MYO5A: variants seen among roughly 807,000 people sequenced by gnomAD.
The protein encoded by MYO5A is unconventional myosin-Va.
In MYO5A, 98 loss-of-function variants were observed where a neutral mutation model predicts 249.7. The observed-to-expected ratio is 0.39, with a 90% CI of 0.33 to 0.46. The LOEUF is 0.46. Among genes scored for constraint, MYO5A ranks in the 20% least tolerant of loss-of-function variants. The pLI is 0.98. For synonymous variants in MYO5A, 778 were observed against 810.6 expected, an observed-to-expected ratio of 0.96 and a Z score of 0.68; for missense variants, 1,696 against 2,308.8, an observed-to-expected ratio of 0.73 and a Z score of 5.44.
Position 52,308,871 on chromosome 15 carries a change from C to T in MYO5A, c.*4825G>A, listed in dbSNP as rs1222281660. The T allele has an allele frequency of 6.5e-6, 1 of 152,920 alleles. No individual in the cohort carries two copies. Among genetic ancestry groups the T allele is most frequent in the South Asian group, 2.1e-4 (1 of 4,842 alleles). 9.5% of individuals were successfully genotyped at this position (152,920 alleles called of 1,614,324 possible). ...GCCTGAGAACAAATTACAATGCACTCATCCATGAACAGAGGTCACGGCAAT... is the reference window on the plus strand; with the variant it reads ...GCCTGAGAACAAATTACAATGCACTTATCCATGAACAGAGGTCACGGCAAT... On this transcript the variant is annotated 3_prime_UTR_variant, in exon 42 of 42. Transcript: ENST00000399233.
chr15:52,381,723 A>G lies in MYO5A; in HGVS notation c.2012+1368T>C, dbSNP rs141340234. On this transcript the variant is annotated intron_variant, in intron 16 of 41. Transcript: ENST00000399233. ...TCACAATCTGTCAAGTTAAAAGTAA[A>G]GACTAAACAGCAATCATAGCACAAG... Among the ~76,000 whole-genome samples the G allele has an allele frequency of 5.9e-5, 9 of 152,206 alleles. No individual in the cohort carries two copies. The East Asian group carries it at 1.5e-3, about 26-fold the overall frequency.
rs763789122 is a variant in MYO5A at position 52,416,163 on chromosome 15, G to A, written c.594C>T (p.Ala198=). Residue 198 remains alanine (A), a synonymous_variant, in exon 5 of 42, where the codon GCC becomes GCT. Transcript: ENST00000399233. ...SEANVEEKVL[A]SNPIMESIGN... is the part of the protein sequence containing the mutation. Reference sequence around the variant, plus strand: ...GTCTTACCTCCATGATGGGGTTGGAGGCCAAGACCTTTTCCTCCACATTGG... The same window carrying A: ...GTCTTACCTCCATGATGGGGTTGGAAGCCAAGACCTTTTCCTCCACATTGG... 4 of 1,614,032 alleles carry A rather than the reference G, an allele frequency of 2.5e-6. No homozygotes were observed. The South Asian group carries it at 4.4e-5, about 18-fold the overall frequency.
At chr15:52,459,659 GC>G (rs963450052) in intron 1 of MYO5A, among the ~76,000 whole-genome samples, 1 of 152,202 alleles carries the variant, frequency 6.6e-6, no homozygotes, top group Non-Finnish European at 1.5e-5. Flanking sequence ...TGTCATCACG[GC>G]CCGCTCTCAA....
chr15:52,450,855 T>TCGTTTTTTGTTTTTTG (rs1555454757), intron 1 of MYO5A, among the ~76,000 whole-genome samples: 1 of 144,372 alleles, frequency 6.9e-6, no homozygotes, highest in African/African-American at 2.6e-5. Flanking sequence ...TTTTTTTTTT[T>TCGTTTTTTGTTTTTTG]TTTTTTTTTT....
chr15:52,360,587 C>G (rs886659046), intron 24 of MYO5A, among the ~76,000 whole-genome samples: 15 of 152,152 alleles, frequency 9.9e-5, no homozygotes, highest in Admixed American at 5.9e-4. Context: ...CACTTTAATA[C>G]GTGAAGTTAA....
chr15:52,322,829 A>T (rs7164164), intron 37 of MYO5A, among the ~76,000 whole-genome samples: 14,304 of 150,394 alleles, frequency 0.095, 2,098 homozygotes, highest in African/African-American at 0.32. Flanking sequence ...TAATATTAAA[A>T]TTTTCTTTTT....
chr15:52,500,858 C>CA lies in MYO5A; in HGVS notation c.27+27921dup, dbSNP rs371853294. Among the ~76,000 whole-genome samples the CA allele has an allele frequency of 9.2e-4, 140 of 151,994 alleles. 1 individual carries two copies. The highest frequency in any genetic ancestry group is 3.2e-3 in the African/African-American group (133 of 41,452). On this transcript the variant is annotated intron_variant, in intron 1 of 41. Transcript: ENST00000399233. Reference sequence around the variant, plus strand: ...TAATCCAAGAGGCTAATCCCAACACCAAAAAATGGATCAGGAGTGAGGCAT... The same window carrying CA: ...TAATCCAAGAGGCTAATCCCAACACCAAAAAAATGGATCAGGAGTGAGGCAT...
At chr15:52,508,152 T>C (rs2077313196) in intron 1 of MYO5A, among the ~76,000 whole-genome samples, 1 of 152,200 alleles carries the variant, frequency 6.6e-6, no homozygotes, top group African/African-American at 2.4e-5. Context: ...TTTTATGTAT[T>C]TGTTATTTAA....
chr15:52,378,297 C>A (rs2041532715), intron 18 of MYO5A, among the ~76,000 whole-genome samples: 2 of 151,692 alleles, frequency 1.3e-5, no homozygotes, highest in Admixed American at 1.3e-4. Flanking sequence ...CCGAGGCGGG[C>A]AGATCACGAG....
At position 52,379,611 on chromosome 15, in the gene MYO5A, G is replaced by A. The variant is rs960336839; in HGVS notation, c.2208+14C>T. On this transcript the variant is annotated intron_variant, in intron 18 of 41. Transcript: ENST00000399233. ...GCCTTCTGCTCAGATGACGGTAAGC[G>A]AAATCATTCTCACCAGTATCAGTTT... 51 of 1,609,100 alleles carry A rather than the reference G, an allele frequency of 3.2e-5. No homozygotes were observed. In the Middle Eastern group the frequency reaches 6.6e-4, roughly 21 times the overall value.
At chr15:52,322,075 C>T (rs1259956861) in intron 37 of MYO5A, among the ~76,000 whole-genome samples, 2 of 152,220 alleles carry the variant, frequency 1.3e-5, no homozygotes, top group Non-Finnish European at 2.9e-5. Flanking sequence ...TAAAATGGAA[C>T]TGAATGGGCG....
chr15:52,486,756 C>A (rs903011937), intron 1 of MYO5A, among the ~76,000 whole-genome samples: 2 of 152,076 alleles, frequency 1.3e-5, no homozygotes, highest in African/African-American at 4.8e-5. Context: ...TCACTAAAGG[C>A]AAAGAGGAGT....
At chr15:52,331,681 C>G in intron 34 of MYO5A, 2 of 985,430 alleles carry the variant, frequency 2.0e-6, no homozygotes, top group Non-Finnish European at 2.4e-6. Context: ...AAGAGGTTAT[C>G]ACAGAGAACA....
At chr15:52,357,577 G>T (rs889954513) in intron 25 of MYO5A, among the ~76,000 whole-genome samples, 8 of 152,034 alleles carry the variant, frequency 5.3e-5, no homozygotes, top group Admixed American at 1.3e-4. Context: ...TAAAATAGAA[G>T]GTGGAAGATC....
intron 39 of MYO5A, 44 bp downstream of exon 39, chr15:52,319,016 T>C: frequency 6.2e-7 from 1 of 1,609,388 alleles, no homozygotes; most frequent in Non-Finnish European, 8.5e-7. Flanking sequence ...GCAGGCCAGC[T>C]GGGCAGCAAA....
chr15:52,346,773 AAAAT>A (rs147613680), intron 29 of MYO5A, among the ~76,000 whole-genome samples: 13,682 of 151,162 alleles, frequency 0.091, 1,902 homozygotes, highest in African/African-American at 0.3. Flanking sequence ...TATGTGAAAA[AAAAT>A]ATATATATAT....
rs1278073210 is a variant in MYO5A, at chr15:52,497,732, G to A, written c.27+31048C>T. Among the ~76,000 whole-genome samples the A allele has an allele frequency of 3.5e-5, 5 of 144,266 alleles. No individual in the cohort carries two copies. In the South Asian group the frequency reaches 6.7e-4, roughly 19 times the overall value. The allele number at this position is 144,266 out of a possible 152,430, so 94.6% of individuals were successfully genotyped here. A position where few individuals can be genotyped will look rare whatever the true frequency, so the allele number is the denominator to read the frequency against. On this transcript the variant is annotated intron_variant, in intron 1 of 41. Transcript: ENST00000399233. ...AGATCACGCCACTGCACTCCAGCCT[G>A]GGCAACAGAGTGAGACTCTGTCTCA...
chr15:52,487,024 T>C (rs1321411730), intron 1 of MYO5A, among the ~76,000 whole-genome samples: 1 of 152,278 alleles, frequency 6.6e-6, no homozygotes, highest in South Asian at 2.1e-4. Context: ...GTGATACAAG[T>C]TTTACGTTGA....
chr15:52,336,665 A>G (rs1014692297), intron 33 of MYO5A, 109 bp from the exon 34 acceptor site: 1 of 871,964 alleles, frequency 1.1e-6, no homozygotes, highest in South Asian at 1.5e-5. Context: ...GTTTTACATA[A>G]GAGCTCATTG....
Sources: gnomAD v4.1 joint callset for allele counts (sites outside exome capture counted in the v4.1 genomes callset) on GRCh38, gnomAD v4.1.1 for gene constraint, MANE v1.5 for transcripts, NCBI Gene and HGNC (gene_info 2026-07-23, HGNC 2026-07-21) for gene names.